Variants in ARB2A observed in about 807,000 individuals in gnomAD.
ARB2A encodes cotranscriptional regulator ARB2A.
the ARB2A span, among the ~76,000 whole-genome samples, chr5:94,106,870 G>GAAAAAA: frequency 0.038 from 2,084 of 55,286 alleles, 3 homozygotes; most frequent in East Asian, 0.054. Context: ...AATCAATGCA[G>GAAAAAA]AAAAAAAAAA....
At chr5:93,658,854 C>T in the ARB2A span, among the ~76,000 whole-genome samples, 127 of 148,044 alleles carry the variant, frequency 8.6e-4, no homozygotes, top group Non-Finnish European at 1.5e-3. Flanking sequence ...AAACAGTTTC[C>T]GGTCCTATAA....
the ARB2A span, among the ~76,000 whole-genome samples, chr5:93,874,682 G>A: frequency 1.7e-4 from 26 of 152,268 alleles, no homozygotes; most frequent in South Asian, 3.9e-3. Flanking sequence ...CATTCAGTTG[G>A]TCAGAAGTAT....
the ARB2A span, among the ~76,000 whole-genome samples, chr5:93,730,087 A>G: frequency 6.6e-6 from 1 of 152,170 alleles, no homozygotes; most frequent in African/African-American, 2.4e-5. Context: ...CTCAGTTTAA[A>G]AATAAAAATG....
chr5:93,793,452 CT>C, the ARB2A span, among the ~76,000 whole-genome samples: 2 of 151,522 alleles, frequency 1.3e-5, no homozygotes, highest in African/African-American at 4.8e-5. Flanking sequence ...GTATTTTTTT[CT>C]TCTGAAATAC....
At chr5:93,874,260 T>C in the ARB2A span, among the ~76,000 whole-genome samples, 8 of 152,150 alleles carry the variant, frequency 5.3e-5, no homozygotes, top group African/African-American at 1.9e-4. Context: ...TCATAGAGTG[T>C]CTTTTGTTAT....
chr5:93,982,092 C>T, the ARB2A span, among the ~76,000 whole-genome samples: 1 of 151,994 alleles, frequency 6.6e-6, no homozygotes, highest in Admixed American at 6.5e-5. Context: ...TCCTGGCCAT[C>T]TCAAAAACAA....
At chr5:94,106,870 G>GAAAAA in the ARB2A span, among the ~76,000 whole-genome samples, 144 of 57,332 alleles carry the variant, frequency 2.5e-3, 1 homozygote, top group African/African-American at 4.3e-3. Flanking sequence ...AATCAATGCA[G>GAAAAA]AAAAAAAAAA....
chr5:93,624,077 A>T, the ARB2A span, among the ~76,000 whole-genome samples: 1 of 152,190 alleles, frequency 6.6e-6, no homozygotes, highest in African/African-American at 2.4e-5. Context: ...GCAGGTTTCT[A>T]GTACTTAAAA....
At chr5:94,066,870 A>T in the ARB2A span, among the ~76,000 whole-genome samples, 2 of 152,324 alleles carry the variant, frequency 1.3e-5, no homozygotes, top group Non-Finnish European at 2.9e-5. Context: ...TATCAAAACC[A>T]GACAAGATTG....
chr5:93,821,909 C>CAA, the ARB2A span, among the ~76,000 whole-genome samples: 152 of 127,930 alleles, frequency 1.2e-3, no homozygotes, highest in African/African-American at 3.0e-3. Context: ...CAAAAAGTAG[C>CAA]AAAAAAAAAA....
At chr5:94,065,112 AAGAC>A in the ARB2A span, among the ~76,000 whole-genome samples, 2 of 152,246 alleles carry the variant, frequency 1.3e-5, no homozygotes, top group African/African-American at 2.4e-5. Context: ...CTTTCAATAA[AAGAC>A]AGAGACTTGC....
chr5:93,703,389 C>G, the ARB2A span, among the ~76,000 whole-genome samples: 1 of 152,172 alleles, frequency 6.6e-6, no homozygotes, highest in Admixed American at 6.5e-5. Flanking sequence ...GATCATAACA[C>G]CCACTATAAA....
chr5:93,814,095 T>A, the ARB2A span, among the ~76,000 whole-genome samples: 3 of 152,202 alleles, frequency 2.0e-5, no homozygotes, highest in Non-Finnish European at 4.4e-5. Flanking sequence ...TCAACTTAAA[T>A]GATCAATTTT....
At chr5:94,048,636 A>C in the ARB2A span, among the ~76,000 whole-genome samples, 1 of 152,294 alleles carries the variant, frequency 6.6e-6, no homozygotes, top group African/African-American at 2.4e-5. Context: ...AGGCAGTGTC[A>C]ACAGGCCCAG....
At chr5:93,652,511 G>T in the ARB2A span, among the ~76,000 whole-genome samples, 7 of 152,066 alleles carry the variant, frequency 4.6e-5, no homozygotes, top group African/African-American at 1.7e-4. Flanking sequence ...TAGGAAATTG[G>T]TTGACTACAT....
At chr5:94,065,892 A>C in the ARB2A span, among the ~76,000 whole-genome samples, 1 of 152,228 alleles carries the variant, frequency 6.6e-6, no homozygotes, top group African/African-American at 2.4e-5. Context: ...AGACATTTAC[A>C]GAACATTTCA....
chr5:93,985,360 CCTCTCCCTCTCT>C, the ARB2A span, among the ~76,000 whole-genome samples: 9 of 151,298 alleles, frequency 5.9e-5, no homozygotes, highest in Non-Finnish European at 1.3e-4. Context: ...AAAAACATGC[CCTCTCCCTCTCT>C]CTCTCCCTCT....
chr5:93,870,572 A>G, the ARB2A span, among the ~76,000 whole-genome samples: 2 of 152,224 alleles, frequency 1.3e-5, no homozygotes, highest in Non-Finnish European at 2.9e-5. Context: ...CAAGGTCTCT[A>G]TTTCATTATA....
At chr5:93,995,083 T>C in the ARB2A span, among the ~76,000 whole-genome samples, 1 of 152,082 alleles carries the variant, frequency 6.6e-6, no homozygotes, top group Non-Finnish European at 1.5e-5. Flanking sequence ...GGCACCAAAG[T>C]TGAGAGAAAT....
Sources: allele counts gnomAD v4.1 joint callset (sites outside exome capture counted in the v4.1 genomes callset), GRCh38; gene constraint gnomAD v4.1.1; transcripts MANE v1.5; gene names NCBI Gene and HGNC (gene_info 2026-07-23, HGNC 2026-07-21).